Variants in ZNF445 observed in about 807,000 individuals in gnomAD.
The protein encoded by ZNF445 is zinc finger protein 168.
ZNF445 carries 19 observed loss-of-function variants against 93.9 expected under a neutral mutation model. The observed-to-expected ratio is 0.20, with a 90% CI of 0.14 to 0.30. The LOEUF (loss-of-function observed/expected upper bound fraction) is 0.30, where lower values mean the gene tolerates loss of function less well. Ranked by LOEUF, ZNF445 falls within the 10% of genes least tolerant of loss-of-function variation. The pLI, the probability that ZNF445 is intolerant of heterozygous loss-of-function variation, is 1.00. For synonymous variants in ZNF445, 449 were observed against 446.3 expected (o/e 1.01, Z -0.08); for missense variants, 1,058 against 1,259.4 (o/e 0.84, Z 2.42).
chr3:44,462,130 T>C (rs143318039), intron 1 of ZNF445, among the ~76,000 whole-genome samples: 2 of 152,314 alleles, frequency 1.3e-5, no homozygotes, highest in East Asian at 3.9e-4. Context: ...TTTGTCTGTG[T>C]TCTGTAATGG....
intron 7 of ZNF445, among the ~76,000 whole-genome samples, chr3:44,449,198 G>A (rs1281707860): frequency 6.6e-6 from 1 of 152,224 alleles, no homozygotes; most frequent in African/African-American, 2.4e-5. Flanking sequence ...AGTTCAGCAG[G>A]AGTGCAGGCC....
At chr3:44,465,228 G>T (rs537873009) in intron 1 of ZNF445, among the ~76,000 whole-genome samples, 1 of 152,222 alleles carries the variant, frequency 6.6e-6, no homozygotes, top group South Asian at 2.1e-4. Context: ...TTATAAGAAG[G>T]CATGGGAATA....
chr3:44,468,474 C>A (rs996523680), intron 1 of ZNF445, among the ~76,000 whole-genome samples: 7 of 152,130 alleles, frequency 4.6e-5, no homozygotes, highest in Admixed American at 1.3e-4. Context: ...ATTGCCTTTG[C>A]GGGACTAACA....
intron 2 of ZNF445, among the ~76,000 whole-genome samples, chr3:44,456,362 A>G (rs1341339829): frequency 1.3e-5 from 2 of 152,156 alleles, no homozygotes; most frequent in African/African-American, 4.8e-5. Flanking sequence ...GGTTGCAGTG[A>G]ACCAAGATCG....
At chr3:44,460,442 G>A (rs1241401742) in intron 1 of ZNF445, among the ~76,000 whole-genome samples, 1 of 152,186 alleles carries the variant, frequency 6.6e-6, no homozygotes, top group African/African-American at 2.4e-5. Context: ...CATGTAGCTG[G>A]AAGCTACAAG....
Position 44,439,440 on chromosome 3 carries a change from GT to G in ZNF445, c.*7134del, listed in dbSNP as rs1697763288. ...TTACATGTTCTTCAGGCAAAAGGTG[GT>G]TAACTAACACTCAAAGTCTCATTGT... On this transcript the variant is annotated 3_prime_UTR_variant, in exon 8 of 8. Transcript: ENST00000396077. The G allele has an allele frequency of 6.6e-6, 1 of 152,202 alleles. No individual in the cohort carries two copies. Among genetic ancestry groups the G allele is most frequent in the South Asian group, 2.1e-4 (1 of 4,838 alleles). 9.4% of individuals were successfully genotyped at this position (152,202 alleles called of 1,614,324 possible). A position where few individuals can be genotyped will look rare whatever the true frequency, so the allele number is the denominator to read the frequency against.
At chr3:44,463,337 G>A (rs1362339542) in intron 1 of ZNF445, among the ~76,000 whole-genome samples, 1 of 152,028 alleles carries the variant, frequency 6.6e-6, no homozygotes, top group Non-Finnish European at 1.5e-5. Flanking sequence ...AGCCCAGCCT[G>A]TCTTGCCACT....
chr3:44,468,370 GAACT>G (rs1454246011), intron 1 of ZNF445, among the ~76,000 whole-genome samples: 1 of 152,194 alleles, frequency 6.6e-6, no homozygotes, highest in Non-Finnish European at 1.5e-5. Flanking sequence ...GGCACAGGCT[GAACT>G]AACTTTGGGA....
At position 44,470,161 on chromosome 3, in the gene ZNF445, G is replaced by A. The variant is rs558434830; in HGVS notation, c.-269+7430C>T. Among the ~76,000 whole-genome samples, 4 of 152,272 alleles carry A rather than the reference G, an allele frequency of 2.6e-5. No homozygotes were observed. In the East Asian group the frequency reaches 7.7e-4, roughly 29 times the overall value. Reference sequence around the variant, plus strand: ...CAGTCTCAAACTCCTGGCTTCAAGAGAGCCTCCTGACTTGGCCTCCCAAAG... The same window carrying A: ...CAGTCTCAAACTCCTGGCTTCAAGAAAGCCTCCTGACTTGGCCTCCCAAAG... On this transcript the variant is annotated intron_variant, in intron 1 of 7. Transcript: ENST00000396077.
chr3:44,454,215 GA>G (rs980953987), intron 3 of ZNF445, among the ~76,000 whole-genome samples: 14 of 144,852 alleles, frequency 9.7e-5, no homozygotes, highest in Middle Eastern at 3.5e-3. Context: ...GAAAAGAAAA[GA>G]AAAAAAAAAG....
chr3:44,446,753 A>G lies in ZNF445; in HGVS notation c.2918T>C (p.Ile973Thr). The change falls in exon 8 of 8, where the codon ATT (isoleucine) becomes ACT (threonine). Residue 973 changes from isoleucine (I) to threonine (T), a missense_variant. Physicochemically the swap from Ile to Thr is moderately conservative, Grantham distance 89. Around this residue, in one of 3 missense-constraint regions of ZNF445, gnomAD observed 387 missense variants for 475.7 expected, o/e 0.81. Transcript: ENST00000396077. This position sits in a 1 kb window ranked among gnomAD's most constrained non-coding sequence, Gnocchi z 4.2. ...SRLTGLQDIS[I>T]GKKCHKCSIC... is the part of the protein sequence containing the mutation. The stretch of plus-strand genomic sequence containing the variant: ...GCTGCATTTGTGGCACTTTTTCCCA[A>G]TGCTTATGTCCTGGAGTCCAGTGAG... 1 of 1,614,148 alleles carries G rather than the reference A, an allele frequency of 6.2e-7. No individual in the cohort carries two copies. Among genetic ancestry groups the G allele is most frequent in the South Asian group, 1.1e-5 (1 of 91,076 alleles).
chr3:44,450,693 G>A, intron 5 of ZNF445, 120 bp from the exon 6 acceptor site: 1 of 1,408,698 alleles, frequency 7.1e-7, no homozygotes, highest in East Asian at 2.3e-5. Context: ...AGGTGAAAGG[G>A]AAGACCATCA....
intron 1 of ZNF445, among the ~76,000 whole-genome samples, chr3:44,475,454 C>T (rs1698334093): frequency 1.3e-5 from 2 of 152,028 alleles, no homozygotes; most frequent in South Asian, 4.1e-4. Context: ...CCCACCTCAG[C>T]CTCCCAAAGT....
Position 44,450,452 on chromosome 3 carries a change from G to A in ZNF445, c.815C>T (p.Ser272Phe), listed in dbSNP as rs1469964326. 1.2e-6 allele frequency: 2 copies of A among 1,614,106 alleles called. No homozygotes were observed. The highest frequency in any genetic ancestry group is 1.7e-6 in the Non-Finnish European group (2 of 1,180,020). The stretch of plus-strand genomic sequence containing the variant: ...TGAGGATATCGATTACTTACCCAGG[G>A]AAGCCATGTTCCTATAATTCTCCAG... ...VMLENYRNMA[S>F]LVGPFTKPAL... Residue 272 changes from serine to phenylalanine, a missense_variant, in exon 6 of 8, where the codon TCC becomes TTC. By Grantham distance (155) the Ser-to-Phe change is radical. Around this residue, in one of 3 missense-constraint regions of ZNF445, gnomAD observed 657 missense variants for 746.4 expected, o/e 0.88. Transcript: ENST00000396077.
At chr3:44,475,214 T>C (rs1430001172) in intron 1 of ZNF445, among the ~76,000 whole-genome samples, 6 of 152,088 alleles carry the variant, frequency 3.9e-5, no homozygotes, top group Non-Finnish European at 8.8e-5. Flanking sequence ...TTTTGTTTTT[T>C]TGAGACGGAG....
chr3:44,446,913 T>C lies in ZNF445; in HGVS notation c.2758A>G (p.Arg920Gly), dbSNP rs1398510329. The change falls in exon 8 of 8, where the codon AGA becomes GGA. Residue 920 changes from arginine to glycine, a missense_variant. Around this residue, in one of 3 missense-constraint regions of ZNF445, gnomAD observed 387 missense variants for 475.7 expected, o/e 0.81. Coordinates refer to ENST00000396077, the MANE Select transcript of ZNF445 (RefSeq NM_181489.6). The surrounding 1 kb of genome is among the most constrained non-coding windows in gnomAD (Gnocchi z 4.2). ...TLSSHQRKHT[R>G]AAQAERSPPA... The stretch of plus-strand genomic sequence containing the variant: ...GGGCTACGTTCAGCCTGTGCTGCTC[T>C]GGTGTGTTTCCTCTGGTGACTGGAA... 6.2e-7 allele frequency: 1 copy of C among 1,614,200 alleles called. No homozygotes were observed. The highest frequency in any genetic ancestry group is 8.5e-7 in the Non-Finnish European group (1 of 1,180,038).
chr3:44,435,540 T>A lies in ZNF445; in HGVS notation c.*11035A>T, dbSNP rs1020745949. 6.6e-6 allele frequency: 1 copy of A among 152,244 alleles called. No homozygotes were observed. Among genetic ancestry groups the A allele is most frequent in the African/African-American group, 2.4e-5 (1 of 41,460 alleles). The allele number at this position is 152,244 out of a possible 1,614,324, so 9.4% of individuals were successfully genotyped here. On this transcript the variant is annotated 3_prime_UTR_variant, in exon 8 of 8. Transcript: ENST00000396077. ...GCTGAGTAGGTGAGCTAAGTGGAGA[T>A]GTGTTCCCGTCTTTGATGGTGGCAC...
At chr3:44,452,032 A>G (rs1276362222) in intron 3 of ZNF445, among the ~76,000 whole-genome samples, 1 of 152,218 alleles carries the variant, frequency 6.6e-6, no homozygotes, top group Non-Finnish European at 1.5e-5. Context: ...TAATCATGAG[A>G]GTCAGCCATG....
intron 3 of ZNF445, 60 bp downstream of exon 3, chr3:44,455,061 G>A (rs768016066): frequency 6.2e-7 from 1 of 1,606,818 alleles, no homozygotes; most frequent in Non-Finnish European, 8.5e-7. Flanking sequence ...CCCATCCCCA[G>A]ACAAGCTGGC....
Sources: gnomAD v4.1 joint callset for allele counts (sites outside exome capture counted in the v4.1 genomes callset) on GRCh38, gnomAD v4.1.1 for gene constraint, gnomAD v4.1.1 regional missense constraint, Gnocchi (gnomAD v3.1) non-coding constraint, MANE v1.5 for transcripts, NCBI Gene and HGNC (gene_info 2026-07-23, HGNC 2026-07-21) for gene names.